Variants in SORCS3 observed in about 807,000 individuals in gnomAD.
SORCS3 encodes the protein sortilin related VPS10 domain containing receptor 3.
A neutral mutation model predicts 146.3 loss-of-function variants in SORCS3; 57 were observed. That is an observed-to-expected ratio of 0.39 (90% CI 0.31 to 0.49). The LOEUF (loss-of-function observed/expected upper bound fraction) is 0.49. Among genes scored for constraint, SORCS3 ranks in the 20% least tolerant of loss-of-function variants. The probability of loss-of-function intolerance (pLI) is 0.92; values close to 1 mark genes in which losing one functional copy is unlikely to be tolerated. For missense variants in SORCS3, 1,341 were observed against 1,575.5 expected (o/e 0.85, Z 2.52); for synonymous variants, 653 against 618.5 (o/e 1.06, Z -0.83).
At chr10:105,162,532 A>G (rs1400415450) in intron 11 of SORCS3, among the ~76,000 whole-genome samples, 1 of 151,700 alleles carries the variant, frequency 6.6e-6, no homozygotes, top group African/African-American at 2.4e-5. Context: ...TCAAAGATCA[A>G]CTCCTCCTGG....
intron 16 of SORCS3, among the ~76,000 whole-genome samples, chr10:105,210,100 C>T (rs890139726): frequency 6.6e-6 from 1 of 152,102 alleles, no homozygotes; most frequent in Non-Finnish European, 1.5e-5. Flanking sequence ...CTCTCCCCTT[C>T]ATTCCTGTTG....
intron 1 of SORCS3, among the ~76,000 whole-genome samples, chr10:104,784,046 C>A (rs563353810): frequency 2.3e-4 from 35 of 152,326 alleles, no homozygotes; most frequent in African/African-American, 7.9e-4. Flanking sequence ...TCTGAGGAAT[C>A]CATCAGGGAA....
intron 4 of SORCS3, among the ~76,000 whole-genome samples, chr10:104,996,294 T>C (rs1047562479): frequency 1.3e-5 from 2 of 152,200 alleles, no homozygotes; most frequent in East Asian, 1.9e-4. Context: ...TTGAGGAGAA[T>C]TGGCCTTTTA....
At chr10:104,836,754 T>G (rs1383354164) in intron 1 of SORCS3, among the ~76,000 whole-genome samples, 2 of 152,072 alleles carry the variant, frequency 1.3e-5, no homozygotes, top group Admixed American at 6.6e-5. Flanking sequence ...CCTTGCCGTG[T>G]CTCTGAGTGG....
chr10:105,174,527 A>AT lies in SORCS3; in HGVS notation c.1902-3531dup, dbSNP rs549340863. ...CTAAGAGATTAAGTTTTCTAATGTT[A>AT]TTTTTTTTGGAGTTTCTTTAGGGAG... On this transcript the variant is annotated intron_variant, in intron 13 of 26. Coordinates refer to ENST00000369701, the MANE Select transcript of SORCS3 (RefSeq NM_014978.3). 2.9e-3 allele frequency among the ~76,000 whole-genome samples: 435 copies of AT among 151,948 alleles called. 2 individuals carry two copies. Among genetic ancestry groups the AT allele is most frequent in the Middle Eastern group, 0.01 (3 of 294 alleles).
chr10:104,764,692 A>G (rs1408237317), intron 1 of SORCS3, among the ~76,000 whole-genome samples: 1 of 152,182 alleles, frequency 6.6e-6, no homozygotes, highest in Non-Finnish European at 1.5e-5. Flanking sequence ...TGCCTGGTCC[A>G]TAGTACTGGG....
At chr10:105,232,424 CT>C (rs1342513317) in intron 20 of SORCS3, among the ~76,000 whole-genome samples, 1 of 151,944 alleles carries the variant, frequency 6.6e-6, no homozygotes, top group African/African-American at 2.4e-5. Context: ...TTTGTGTCCC[CT>C]CTCTTTTTTC....
intron 2 of SORCS3, among the ~76,000 whole-genome samples, chr10:104,854,730 A>G (rs1259762351): frequency 1.3e-5 from 2 of 152,136 alleles, no homozygotes; most frequent in Non-Finnish European, 2.9e-5. Context: ...AAAACCCCTA[A>G]TCGCTAAACC....
At chr10:104,984,157 T>C (rs2054948613) in intron 4 of SORCS3, among the ~76,000 whole-genome samples, 1 of 152,050 alleles carries the variant, frequency 6.6e-6, no homozygotes, top group Non-Finnish European at 1.5e-5. Flanking sequence ...TCAAAAGAAA[T>C]GTTAGAAGGT....
intron 1 of SORCS3, among the ~76,000 whole-genome samples, chr10:104,737,065 T>G (rs1452318694): frequency 1.3e-5 from 2 of 152,228 alleles, no homozygotes; most frequent in African/African-American, 2.4e-5. Context: ...TTACTGAGAA[T>G]GATGATTTCC....
At chr10:104,905,201 C>A (rs1003173844) in intron 2 of SORCS3, among the ~76,000 whole-genome samples, 1 of 152,174 alleles carries the variant, frequency 6.6e-6, no homozygotes, top group Non-Finnish European at 1.5e-5. Flanking sequence ...AGAGCAATCA[C>A]TCCATAATTT....
intron 1 of SORCS3, among the ~76,000 whole-genome samples, chr10:104,765,720 G>T: frequency 6.6e-6 from 1 of 152,140 alleles, no homozygotes; most frequent in Non-Finnish European, 1.5e-5. Flanking sequence ...CAAAGCTCTC[G>T]CACTATGCCA....
intron 2 of SORCS3, among the ~76,000 whole-genome samples, chr10:104,855,396 A>G (rs972991557): frequency 6.6e-6 from 1 of 152,158 alleles, no homozygotes. Context: ...TGTTAAACCT[A>G]TAAGTGAATT....
chr10:104,651,534 A>T, intron 1 of SORCS3, among the ~76,000 whole-genome samples: 1 of 7,182 alleles, frequency 1.4e-4, no homozygotes, highest in African/African-American at 3.9e-4. Flanking sequence ...GGGCTCTACT[A>T]AAAAAAAAAA....
At chr10:104,976,107 A>C (rs2054895739) in intron 3 of SORCS3, among the ~76,000 whole-genome samples, 1 of 152,242 alleles carries the variant, frequency 6.6e-6, no homozygotes, top group Non-Finnish European at 1.5e-5. Context: ...AGAAACTACC[A>C]TCAGAGTGAA....
intron 1 of SORCS3, among the ~76,000 whole-genome samples, chr10:104,757,549 A>G (rs1564676615): frequency 2.0e-5 from 3 of 152,084 alleles, no homozygotes; most frequent in Admixed American, 6.5e-5. Context: ...TCTGCCACAG[A>G]GCCGATGCCT....
chr10:105,242,683 T>C (rs1403491151), intron 20 of SORCS3, among the ~76,000 whole-genome samples: 23 of 105,244 alleles, frequency 2.2e-4, no homozygotes, highest in African/African-American at 7.9e-4. Flanking sequence ...TATATATTTA[T>C]ATACATTTAT....
At chr10:104,782,569 C>A (rs907389696) in intron 1 of SORCS3, among the ~76,000 whole-genome samples, 5 of 152,174 alleles carry the variant, frequency 3.3e-5, no homozygotes, top group African/African-American at 1.2e-4. Flanking sequence ...TCTTGGATAC[C>A]TACAGAATGA....
intron 3 of SORCS3, among the ~76,000 whole-genome samples, chr10:104,972,844 C>A (rs1464003334): frequency 6.6e-6 from 1 of 152,074 alleles, no homozygotes. Flanking sequence ...TCATAGATAG[C>A]TCTTATTATT....
Sources: gnomAD v4.1 joint callset for allele counts (sites outside exome capture counted in the v4.1 genomes callset) on GRCh38, gnomAD v4.1.1 for gene constraint, MANE v1.5 for transcripts, NCBI Gene and HGNC (gene_info 2026-07-23, HGNC 2026-07-21) for gene names.